DPEP2: variants seen among roughly 807,000 people sequenced by gnomAD.
DPEP2 encodes dipeptidase 2.
Under a neutral mutation model 51.8 loss-of-function variants are expected in DPEP2, and 45 were observed. The ratio of observed to expected loss-of-function variants is 0.87; its 90% CI spans 0.68 to 1.11. The LOEUF is 1.11. DPEP2 is among the 50% of genes most tolerant of loss of function. The probability of loss-of-function intolerance (pLI) is 0.00; values close to 1 mark genes in which losing one functional copy is unlikely to be tolerated. For synonymous variants in DPEP2, 255 were observed against 262.7 expected (o/e 0.97, Z 0.28); for missense variants, 604 against 631.9 (o/e 0.96, Z 0.47).
At chr16:67,997,981 C>G (rs1030943713) in intron 1 of DPEP2, among the ~76,000 whole-genome samples, 1 of 152,182 alleles carries the variant, frequency 6.6e-6, no homozygotes, top group Non-Finnish European at 1.5e-5. Flanking sequence ...AGCCTCTGAC[C>G]CCAAATTATC....
intron 1 of DPEP2, among the ~76,000 whole-genome samples, chr16:67,995,220 A>AT (rs1419698043): frequency 3.3e-5 from 5 of 150,912 alleles, no homozygotes; most frequent in Non-Finnish European, 7.4e-5. Context: ...TTTTTTATTT[A>AT]TTTTTTTAAT....
Position 67,987,738 on chromosome 16 carries a change from T to C in DPEP2, c.1229A>G (p.Gln410Arg), listed in dbSNP as rs146351596. ...VEKVQEENKW[Q>R]SPLEDKFPDE... The stretch of plus-strand genomic sequence containing the variant: ...CGGGAACTTGTCCTCCAAGGGGCTT[T>C]GCCATTTGTTTTCTTCCTGTACCTA... The change falls in exon 11 of 11, where the codon CAA becomes CGA. Residue 410 changes from glutamine (Q) to arginine (R), a missense_variant. Coordinates refer to ENST00000393847, the MANE Select transcript of DPEP2 (RefSeq NM_022355.4). 30 of 1,613,632 alleles carry C rather than the reference T, an allele frequency of 1.9e-5. No homozygotes were observed. Among genetic ancestry groups the C allele is most frequent in the Non-Finnish European group, 2.5e-5 (30 of 1,179,632 alleles).
At position 67,995,972 on chromosome 16, in the gene DPEP2, AAACAAC is replaced by A. The variant is rs376768981; in HGVS notation, c.-45-2721_-45-2716del. 1.1e-3 allele frequency among the ~76,000 whole-genome samples: 164 copies of A among 151,028 alleles called. No homozygotes were observed. The South Asian group carries it at 0.017, about 16-fold the overall frequency. On this transcript the variant is annotated intron_variant, in intron 1 of 10. Coordinates refer to ENST00000393847, the MANE Select transcript of DPEP2 (RefSeq NM_022355.4). ...GAGCGAGACCCTGTCTCCCCCCGCC[AAACAAC>A]AACAACAACAACAACAACAACAACA...
rs990000516 is a variant in DPEP2 at position 67,993,483 on chromosome 16, G to GC, written c.-45-227dup. On this transcript the variant is annotated intron_variant, in intron 1 of 10. Transcript: ENST00000393847. The stretch of plus-strand genomic sequence containing the variant: ...GGCTGGGCGGATCCCTGTCCTGGGC[G>GC]CCCACTCGCGGCCTGTCTTAGGGCC... 2.1e-4 allele frequency: 253 copies of GC among 1,223,438 alleles called. 1 individual carries two copies. In the Middle Eastern group the frequency reaches 3.2e-3, roughly 16 times the overall value. The allele number at this position is 1,223,438 out of a possible 1,614,324, so 75.8% of individuals were successfully genotyped here. A position where few individuals can be genotyped will look rare whatever the true frequency, so the allele number is the denominator to read the frequency against.
rs2151382476 is a variant in DPEP2, at chr16:67,993,106, G to A, written c.107C>T (p.Thr36Met). Residue 36 changes from threonine to methionine, a missense_variant, in exon 2 of 11, where the codon ACG becomes ATG. Transcript: ENST00000393847. Reference protein sequence around the residue: ...LLQPVTCAYTTPGPPRALTTL... With the variant: ...LLQPVTCAYTMPGPPRALTTL... ...GGTGAGGGCTCTGGGGGGGCCTGGC[G>A]TGGTGTAGGCACAGGTTACAGGCTG... is the stretch of plus-strand genomic sequence containing the variant. The A allele has an allele frequency of 6.4e-7, 1 of 1,566,034 alleles. No individual in the cohort carries two copies. Among genetic ancestry groups the A allele is most frequent in the Non-Finnish European group, 8.7e-7 (1 of 1,154,690 alleles).
intron 1 of DPEP2, among the ~76,000 whole-genome samples, chr16:67,997,497 T>C (rs1160293645): frequency 2.0e-5 from 3 of 151,996 alleles, no homozygotes; most frequent in East Asian, 1.9e-4. Context: ...GCTGGGACTA[T>C]AGGTGCCCGC....
chr16:67,992,144 C>T lies in DPEP2; in HGVS notation c.440G>A (p.Arg147His), dbSNP rs768027580. Residue 147 changes from arginine (R) to histidine (H), a missense_variant, in exon 4 of 11, where the codon CGC (arginine) becomes CAC (histidine). Coordinates refer to ENST00000393847, the MANE Select transcript of DPEP2 (RefSeq NM_022355.4). ...GAGGTCAATCTGCTCCAGGGTGAGG[C>T]GCAGGGCATCCCGGTCCTGGGTCTG... is the stretch of plus-strand genomic sequence containing the variant. ...PCQTQDRDAL[R>H]LTLEQIDLIR... 78 of 1,614,024 alleles carry T rather than the reference C, an allele frequency of 4.8e-5. No individual in the cohort carries two copies. Among genetic ancestry groups the T allele is most frequent in the Non-Finnish European group, 5.8e-5 (69 of 1,180,030 alleles).
chr16:67,989,473 T>C, intron 8 of DPEP2, 75 bp from the exon 9 acceptor site: 2 of 1,474,804 alleles, frequency 1.4e-6, no homozygotes, highest in South Asian at 2.3e-5. Context: ...TGGATGGCAC[T>C]GAGTCTCCTT....
At chr16:68,000,308 TG>T, upstream of DPEP2, 1 of 373,134 alleles carries the variant, frequency 2.7e-6, no homozygotes, top group Non-Finnish European at 3.7e-6. Flanking sequence ...AAACTTATTC[TG>T]GTGTGCAGCT....
In DPEP2 at chr16:67,993,793, C is replaced by T. The variant is rs1450017823; in HGVS notation, c.-45-536G>A. 5 of 985,758 alleles carry T rather than the reference C, an allele frequency of 5.1e-6. No homozygotes were observed. The East Asian group carries it at 5.7e-4, about 112-fold the overall frequency. The allele number at this position is 985,758 out of a possible 1,614,324, so 61.1% of individuals were successfully genotyped here. ...GGGTGGGTGTGGGGGAGAAGATAGG[C>T]TCTGGAAATGAGGGGTTAACCCTGT... is the stretch of plus-strand genomic sequence containing the variant. On this transcript the variant is annotated intron_variant, in intron 1 of 10. Transcript: ENST00000393847.
At chr16:67,993,417 C>T in intron 1 of DPEP2, 160 bp from the exon 2 acceptor site, 1 of 1,261,728 alleles carries the variant, frequency 7.9e-7, no homozygotes, top group Non-Finnish European at 1.0e-6. Flanking sequence ...CACCAGGGGG[C>T]GCCCAGCCCT....
In DPEP2 at chr16:67,991,309, G is replaced by T; in HGVS notation, c.663-125C>A. On this transcript the variant is annotated intron_variant, in intron 5 of 10. Coordinates refer to ENST00000393847, the MANE Select transcript of DPEP2 (RefSeq NM_022355.4). This position sits in a 1 kb window ranked among gnomAD's most constrained non-coding sequence, Gnocchi z 5.1. ...AAAACAGGGATCCAAAATGGGCCCT[G>T]CAAATGGGCCATGCCTGGCAGCAGG... The T allele has an allele frequency of 1.1e-6, 1 of 875,842 alleles. No individual in the cohort carries two copies. The highest frequency in any genetic ancestry group is 1.8e-6 in the Non-Finnish European group (1 of 562,828). 54.3% of individuals were successfully genotyped at this position (875,842 alleles called of 1,614,324 possible).
chr16:67,992,842 T>C (rs1405953642), intron 2 of DPEP2, 108 bp downstream of exon 2: 38 of 1,489,932 alleles, frequency 2.6e-5, no homozygotes, highest in Non-Finnish European at 3.4e-5. Context: ...AGAGAGGGCA[T>C]CCAGGGGTGG....
intron 1 of DPEP2, chr16:67,993,550 C>T: frequency 9.4e-7 from 1 of 1,062,712 alleles, no homozygotes; most frequent in Non-Finnish European, 1.1e-6. Flanking sequence ...CCCAGGGGGC[C>T]GACCCAGGTG....
At chr16:67,989,119 G>T (rs909161012) in intron 9 of DPEP2, among the ~76,000 whole-genome samples, 2 of 152,194 alleles carry the variant, frequency 1.3e-5, no homozygotes, top group African/African-American at 2.4e-5. Flanking sequence ...GGTACGTGCA[G>T]TGCTGGGCAG....
intron 1 of DPEP2, chr16:67,994,039 C>A: frequency 2.0e-6 from 2 of 985,630 alleles, no homozygotes; most frequent in Non-Finnish European, 2.4e-6. Flanking sequence ...GATGAGAGCG[C>A]AGCAAGCATC....
chr16:67,996,200 C>G (rs1370090003), intron 1 of DPEP2, among the ~76,000 whole-genome samples: 2 of 140,744 alleles, frequency 1.4e-5, no homozygotes, highest in Admixed American at 7.1e-5. Flanking sequence ...CCACACTCGG[C>G]TATTTTTTTT....
rs769506790 is a variant in DPEP2 at position 67,991,184 on chromosome 16, C to G, written c.663G>C (p.Trp221Cys). 4.3e-6 allele frequency: 7 copies of G among 1,612,634 alleles called. No individual in the cohort carries two copies. Among genetic ancestry groups the G allele is most frequent in the Middle Eastern group, 2.0e-4 (1 of 4,964 alleles). ...GGACGCCCTTAGCGGAGCTCTCTGC[C>G]CTGCAGGGTGGCCAGGAAGCAGTCT... is the stretch of plus-strand genomic sequence containing the variant. ...LTLTHTCNTP[W>C]AESSAKGVHS... is the part of the protein sequence containing the mutation. Residue 221 changes from tryptophan to cysteine, a missense_variant and splice_region_variant, in exon 6 of 11, where the codon TGG becomes TGC. Coordinates refer to ENST00000393847, the MANE Select transcript of DPEP2 (RefSeq NM_022355.4). The surrounding 1 kb of genome is among the most constrained non-coding windows in gnomAD (Gnocchi z 5.1).
At chr16:67,993,834 A>C in intron 1 of DPEP2, 1 of 985,520 alleles carries the variant, frequency 1.0e-6, no homozygotes, top group Non-Finnish European at 1.2e-6. Context: ...GGATTCAGGA[A>C]GGGGCCCCCT....
Sources: allele counts gnomAD v4.1 joint callset (sites outside exome capture counted in the v4.1 genomes callset), GRCh38; gene constraint gnomAD v4.1.1; non-coding constraint Gnocchi (gnomAD v3.1); transcripts MANE v1.5; gene names NCBI Gene and HGNC (gene_info 2026-07-23, HGNC 2026-07-21).